The following FOXP2 variants were observed in gnomAD, a reference collection of about 807,000 sequenced individuals.
FOXP2 encodes forkhead box protein P2.
Under a neutral mutation model 115.8 loss-of-function variants are expected in FOXP2, and 12 were observed. That is an observed-to-expected ratio of 0.10 (90% CI 0.07 to 0.17). The LOEUF (loss-of-function observed/expected upper bound fraction) is 0.17. Among genes scored for constraint, FOXP2 ranks in the 10% least tolerant of loss-of-function variants. The probability of loss-of-function intolerance (pLI) is 1.00; values close to 1 mark genes in which losing one functional copy is unlikely to be tolerated. For synonymous variants in FOXP2, 328 were observed against 297.7 expected, an observed-to-expected ratio of 1.10 and a Z score of -1.05; for missense variants, 629 against 843.5, an observed-to-expected ratio of 0.75 and a Z score of 3.15.
intron 1 of FOXP2, among the ~76,000 whole-genome samples, chr7:114,164,802 A>G (rs1792932893): frequency 6.6e-6 from 1 of 152,162 alleles, no homozygotes; most frequent in Non-Finnish European, 1.5e-5. Context: ...CCGTGCTCCC[A>G]TTTATGGTTT....
chr7:114,272,386 G>A (rs1340500634), intron 1 of FOXP2, among the ~76,000 whole-genome samples: 2 of 151,638 alleles, frequency 1.3e-5, no homozygotes, highest in Non-Finnish European at 3.0e-5. Context: ...GGGTAATGCT[G>A]GCTTCATCAA....
At chr7:114,629,734 G>T in intron 4 of FOXP2, 71 bp from the exon 5 acceptor site, 1 of 1,609,462 alleles carries the variant, frequency 6.2e-7, no homozygotes. Flanking sequence ...TGCCAGTCTA[G>T]AAGAGTTTAG....
intron 1 of FOXP2, among the ~76,000 whole-genome samples, chr7:114,423,846 G>A (rs1793722578): frequency 6.6e-6 from 1 of 151,380 alleles, no homozygotes; most frequent in Non-Finnish European, 1.5e-5. Flanking sequence ...CTCCTTTATA[G>A]TGAACATACT....
intron 1 of FOXP2, among the ~76,000 whole-genome samples, chr7:114,262,294 G>A (rs1795775148): frequency 6.6e-6 from 1 of 152,074 alleles, no homozygotes; most frequent in South Asian, 2.1e-4. Context: ...ATGGTGGTAT[G>A]TACCTGTAAT....
intron 2 of FOXP2, among the ~76,000 whole-genome samples, chr7:114,493,095 G>A (rs1584804197): frequency 6.6e-6 from 1 of 152,172 alleles, no homozygotes; most frequent in Non-Finnish European, 1.5e-5. Flanking sequence ...GGGTGCTCCT[G>A]TATTGGGTGC....
At chr7:114,342,731 A>G (rs1054299033) in intron 2 of FOXP2, among the ~76,000 whole-genome samples, 13 of 151,492 alleles carry the variant, frequency 8.6e-5, no homozygotes, top group African/African-American at 3.1e-4. Context: ...GTCTTTAACT[A>G]TATTCTCAGT....
chr7:114,136,848 AC>A (rs1370851239), intron 1 of FOXP2, among the ~76,000 whole-genome samples: 1 of 152,008 alleles, frequency 6.6e-6, no homozygotes, highest in Admixed American at 6.5e-5. Context: ...CAACATCAAT[AC>A]TAATAAGCCA....
intron 3 of FOXP2, among the ~76,000 whole-genome samples, chr7:114,550,112 CTTTTT>C (rs941573098): frequency 9.7e-6 from 1 of 103,302 alleles, no homozygotes; most frequent in Non-Finnish European, 2.0e-5. Flanking sequence ...CCTTTCTTTT[CTTTTT>C]TTTTTTTTTT....
chr7:114,685,430 T>A (rs1808309670), intron 16 of FOXP2, among the ~76,000 whole-genome samples: 1 of 152,184 alleles, frequency 6.6e-6, no homozygotes, highest in Non-Finnish European at 1.5e-5. Flanking sequence ...AATATAGTGC[T>A]TTGGATTTAG....
intron 1 of FOXP2, among the ~76,000 whole-genome samples, chr7:114,276,105 C>T (rs1244302054): frequency 2.6e-5 from 4 of 152,108 alleles, no homozygotes; most frequent in Non-Finnish European, 5.9e-5. Context: ...CTAGTCTCTC[C>T]TGAGATCAAG....
chr7:114,413,620 A>T (rs577302141), upstream of FOXP2, among the ~76,000 whole-genome samples: 70 of 152,156 alleles, frequency 4.6e-4, no homozygotes, highest in Non-Finnish European at 8.5e-4. Flanking sequence ...GAGGTGGAGA[A>T]ATAGTGCAGC....
chr7:114,348,909 T>C (rs1791411214), intron 2 of FOXP2, among the ~76,000 whole-genome samples: 3 of 152,044 alleles, frequency 2.0e-5, no homozygotes, highest in African/African-American at 7.2e-5. Flanking sequence ...CCTTGCCTCG[T>C]TTTTTTCTCA....
At chr7:114,330,394 T>G (rs1007382847) in intron 2 of FOXP2, among the ~76,000 whole-genome samples, 1 of 150,996 alleles carries the variant, frequency 6.6e-6, no homozygotes, top group Admixed American at 6.6e-5. Flanking sequence ...GCACTCTGGG[T>G]GGCTGAAGCA....
At position 114,693,207 on chromosome 7, in the gene FOXP2, T is replaced by C. The variant is rs1340603487; in HGVS notation, c.*3281T>C. 2.2e-6 allele frequency: 1 copy of C among 452,048 alleles called. No individual in the cohort carries two copies. Among genetic ancestry groups the C allele is most frequent in the African/African-American group, 2.0e-5 (1 of 49,842 alleles). 28.0% of individuals were successfully genotyped at this position (452,048 alleles called of 1,614,324 possible). A position where few individuals can be genotyped will look rare whatever the true frequency, so the allele number is the denominator to read the frequency against. On this transcript the variant is annotated 3_prime_UTR_variant, in exon 17 of 17. Coordinates refer to ENST00000350908, the MANE Select transcript of FOXP2 (RefSeq NM_014491.4). ...TTTGGTAGAATTACCACTAACTGGG[T>C]TTTCTTTAGATAACTCAGATATGGA... is the stretch of plus-strand genomic sequence containing the variant.
chr7:114,227,078 G>A (rs997293585), intron 1 of FOXP2, among the ~76,000 whole-genome samples: 10 of 152,058 alleles, frequency 6.6e-5, no homozygotes, highest in Admixed American at 2.6e-4. Flanking sequence ...TTTCATGACA[G>A]TCAAACAAAT....
chr7:114,486,365 A>G (rs924098031), intron 2 of FOXP2, among the ~76,000 whole-genome samples: 1 of 152,110 alleles, frequency 6.6e-6, no homozygotes, highest in Non-Finnish European at 1.5e-5. Flanking sequence ...ACCCACCCCC[A>G]TGACTTACTT....
intron 1 of FOXP2, among the ~76,000 whole-genome samples, chr7:114,169,213 G>A (rs994305040): frequency 3.3e-5 from 5 of 152,130 alleles, no homozygotes; most frequent in East Asian, 1.9e-4. Flanking sequence ...GTAGATCCAC[G>A]GACAGCTTGC....
intron 1 of FOXP2, among the ~76,000 whole-genome samples, chr7:114,424,628 G>C (rs921084887): frequency 2.0e-5 from 3 of 151,338 alleles, no homozygotes; most frequent in African/African-American, 7.3e-5. Flanking sequence ...TCAGAAAAGA[G>C]TATTAGCTTT....
At chr7:114,563,944 T>C (rs1034879844) in intron 3 of FOXP2, among the ~76,000 whole-genome samples, 3 of 152,138 alleles carry the variant, frequency 2.0e-5, no homozygotes, top group Admixed American at 6.6e-5. Flanking sequence ...TATCCTTTTT[T>C]CATGTAACTG....
Sources: allele counts gnomAD v4.1 joint callset (sites outside exome capture counted in the v4.1 genomes callset), GRCh38; gene constraint gnomAD v4.1.1; transcripts MANE v1.5; gene names NCBI Gene and HGNC (gene_info 2026-07-23, HGNC 2026-07-21).